Variants in ACIN1 observed in about 807,000 individuals in gnomAD.
The protein encoded by ACIN1 is apoptotic chromatin condensation inducer 1, also known as apoptotic chromatin condensation inducer in the nucleus.
ACIN1 carries 16 observed loss-of-function variants against 146.6 expected under a neutral mutation model. That is an observed-to-expected ratio of 0.11 (90% CI 0.07 to 0.17). The LOEUF is 0.17. Ranked by LOEUF, ACIN1 falls within the 10% of genes least tolerant of loss-of-function variation. The pLI, the probability that ACIN1 is intolerant of heterozygous loss-of-function variation, is 1.00. For synonymous variants in ACIN1, 569 were observed against 582.7 expected, an observed-to-expected ratio of 0.98 and a Z score of 0.34; for missense variants, 1,357 against 1,609.3, an observed-to-expected ratio of 0.84 and a Z score of 2.68.
At chr14:23,074,831 C>G (rs1302622897) in intron 8 of ACIN1, among the ~76,000 whole-genome samples, 1 of 152,024 alleles carries the variant, frequency 6.6e-6, no homozygotes, top group Non-Finnish European at 1.5e-5. Flanking sequence ...TTCAGAGAAG[C>G]TAATGGAAAA....
At chr14:23,071,209 A>G in intron 8 of ACIN1, 2 of 1,519,880 alleles carry the variant, frequency 1.3e-6, no homozygotes, top group South Asian at 1.3e-5. Context: ...AAATAACAAA[A>G]ACCAAACAAA....
chr14:23,091,791 T>C (rs1272479423), intron 2 of ACIN1, among the ~76,000 whole-genome samples: 1 of 152,104 alleles, frequency 6.6e-6, no homozygotes, highest in East Asian at 1.9e-4. Context: ...AACCAGCTCA[T>C]TTTTGCATTT....
intron 8 of ACIN1, among the ~76,000 whole-genome samples, chr14:23,074,895 G>A (rs750071368): frequency 1.3e-5 from 2 of 152,118 alleles, no homozygotes; most frequent in East Asian, 1.9e-4. Flanking sequence ...GAAAATTCAC[G>A]AGGAGCTGAA....
Position 23,093,553 on chromosome 14 carries a change from G to A in ACIN1, c.139-9C>T. On this transcript the variant is annotated splice_polypyrimidine_tract_variant and intron_variant, in intron 1 of 18. Coordinates refer to ENST00000605057, the MANE Select transcript of ACIN1 (RefSeq NM_001386863.1). ...TTTTCTAGCATTAGAGCCTGGTATA[G>A]AGAAGGGTAAAAGTCAGAAATGATG... The A allele has an allele frequency of 6.2e-7, 1 of 1,613,094 alleles. No homozygotes were observed. The highest frequency in any genetic ancestry group is 8.5e-7 in the Non-Finnish European group (1 of 1,179,180).
At chr14:23,072,227 G>T (rs1367861050) in intron 8 of ACIN1, among the ~76,000 whole-genome samples, 1 of 152,180 alleles carries the variant, frequency 6.6e-6, no homozygotes, top group Non-Finnish European at 1.5e-5. Flanking sequence ...CCAGTAGAAG[G>T]GGGGCAGGGT....
intron 15 of ACIN1, 33 bp downstream of exon 15, chr14:23,062,383 C>A: frequency 6.2e-7 from 1 of 1,610,274 alleles, no homozygotes; most frequent in Non-Finnish European, 8.5e-7. Context: ...GAAATATATG[C>A]CATGACCTAT....
At position 23,059,240 on chromosome 14, in the gene ACIN1, G is replaced by A. The variant is rs756480020; in HGVS notation, c.3760C>T (p.Arg1254Ter). ...TCCCTGCGATCCCTTTCCCTGCCTC[G>A]TTCTCGGTCCCTTTCCCTATCCCGA... ...RDRDRERDRERGRERDRRDTK... is the reference protein window; with the variant it reads ...RDRDRERDRE Residue 1254 changes from arginine to a stop codon, truncating the protein, a stop_gained, in exon 19 of 19, where the codon CGA becomes TGA. Transcript: ENST00000605057. LOFTEE classifies it high-confidence loss of function. The A allele has an allele frequency of 2.5e-6, 4 of 1,613,332 alleles. No individual in the cohort carries two copies. Among genetic ancestry groups the A allele is most frequent in the African/African-American group, 2.7e-5 (2 of 74,724 alleles).
In ACIN1 at chr14:23,090,019, C is replaced by T; in HGVS notation, c.399G>A (p.Leu133=). ...TGCTGAGCTCCAGCTCTGGTCTCTC[C>T]AGGCTGCTCTGAAAGTCAGGAGGCA... ...SLLPPDFQSS[L]ERPELELSRH... Residue 133 remains leucine (L), a synonymous_variant, in exon 4 of 19, where the codon CTG becomes CTA. Transcript: ENST00000605057. 6.2e-7 allele frequency: 1 copy of T among 1,613,452 alleles called. No individual in the cohort carries two copies. Among genetic ancestry groups the T allele is most frequent in the Non-Finnish European group, 8.5e-7 (1 of 1,179,804 alleles).
chr14:23,074,491 G>C (rs2140113681), intron 8 of ACIN1, among the ~76,000 whole-genome samples: 1 of 152,216 alleles, frequency 6.6e-6, no homozygotes, highest in African/African-American at 2.4e-5. Flanking sequence ...CTTGAACCCA[G>C]GAGGCGGAGG....
chr14:23,084,611 A>G (rs575517687), intron 4 of ACIN1, among the ~76,000 whole-genome samples: 3 of 150,838 alleles, frequency 2.0e-5, no homozygotes, highest in Non-Finnish European at 4.4e-5. Flanking sequence ...CTCCATCTCA[A>G]AAAAGAAAAA....
chr14:23,061,109 T>A lies in ACIN1; in HGVS notation c.3500A>T (p.Tyr1167Phe). 1 of 1,614,038 alleles carries A rather than the reference T, an allele frequency of 6.2e-7. No individual in the cohort carries two copies. The highest frequency in any genetic ancestry group is 8.5e-7 in the Non-Finnish European group (1 of 1,180,022). Residue 1167 changes from tyrosine to phenylalanine, a missense_variant, in exon 18 of 19, where the codon TAT (tyrosine) becomes TTT (phenylalanine). Physicochemically the swap from Tyr to Phe is conservative, Grantham distance 22. Around this residue, in one of 4 missense-constraint regions of ACIN1, gnomAD observed 509 missense variants for 719.6 expected, o/e 0.71. Coordinates refer to ENST00000605057, the MANE Select transcript of ACIN1 (RefSeq NM_001386863.1). ...CTGGCTGTCAGTCAGTGGGAGCCAA[T>A]AGATGCAGGGAGCTGCCTTGGTCTT... ...FRKTKAAPCI[Y>F]WLPLTDSQIV...
intron 4 of ACIN1, among the ~76,000 whole-genome samples, chr14:23,085,284 G>C (rs1000949332): frequency 1.3e-5 from 2 of 152,174 alleles, no homozygotes; most frequent in Non-Finnish European, 2.9e-5. Context: ...GCAGTGAGCA[G>C]AGATCGCGCC....
rs2047277266 is a variant in ACIN1 at position 23,061,477 on chromosome 14, C to A, written c.3245G>T (p.Arg1082Leu). The A allele has an allele frequency of 7.3e-7, 1 of 1,367,416 alleles. No homozygotes were observed. Among genetic ancestry groups the A allele is most frequent in the Non-Finnish European group, 9.7e-7 (1 of 1,025,670 alleles). 84.7% of individuals were successfully genotyped at this position (1,367,416 alleles called of 1,614,324 possible). ...HPRAEQREQERAVREQWAERE... is the reference protein window; with the variant it reads ...HPRAEQREQELAVREQWAERE... ...TTCTGCCCACTGTTCCCGCACTGCCCGTTCCTGCTCCCGCTGCTCTGCCCG... is the reference window on the plus strand; with the variant it reads ...TTCTGCCCACTGTTCCCGCACTGCCAGTTCCTGCTCCCGCTGCTCTGCCCG... The change falls in exon 17 of 19, where the codon CGG (arginine) becomes CTG (leucine). Residue 1082 changes from arginine (R) to leucine (L), a missense_variant. This residue lies in a region of ACIN1 where 509 missense variants were observed against 719.6 expected (regional missense o/e 0.71). Transcript: ENST00000605057.
intron 4 of ACIN1, among the ~76,000 whole-genome samples, chr14:23,082,676 C>G: frequency 6.6e-6 from 1 of 151,798 alleles, no homozygotes; most frequent in East Asian, 1.9e-4. Context: ...AACTCCTGAC[C>G]TCAAGTGATC....
At position 23,067,999 on chromosome 14, in the gene ACIN1, G is replaced by C; in HGVS notation, c.2265+1477C>G. On this transcript the variant is annotated intron_variant, in intron 9 of 18. Transcript: ENST00000605057. This position sits in a 1 kb window ranked among gnomAD's most constrained non-coding sequence, Gnocchi z 4.6. The stretch of plus-strand genomic sequence containing the variant: ...GTGGTTCCAGTCAGGTGGATGAAAT[G>C]AGTCCCTGCCTCCAGGGATGGAGGA... 2 of 985,904 alleles carry C rather than the reference G, an allele frequency of 2.0e-6. No individual in the cohort carries two copies. The highest frequency in any genetic ancestry group is 2.4e-6 in the Non-Finnish European group (2 of 829,956). The allele number at this position is 985,904 out of a possible 1,614,324, so 61.1% of individuals were successfully genotyped here.
At chr14:23,062,897 G>A in intron 14 of ACIN1, 32 bp downstream of exon 14, 1 of 1,579,858 alleles carries the variant, frequency 6.3e-7, no homozygotes. Flanking sequence ...TAACCACTAA[G>A]CAAGCTGGGA....
chr14:23,094,649 G>C (rs1466528774), intron 1 of ACIN1: 37 of 808,118 alleles, frequency 4.6e-5, no homozygotes, highest in Non-Finnish European at 5.9e-5. Flanking sequence ...GTTGTAGTGG[G>C]ATTTAACTCC....
In ACIN1 at chr14:23,067,187, TAAATA is replaced by T. The variant is rs1206800730; in HGVS notation, c.2266-1184_2266-1180del. On this transcript the variant is annotated intron_variant, in intron 9 of 18. Transcript: ENST00000605057. The surrounding 1 kb of genome is among the most constrained non-coding windows in gnomAD (Gnocchi z 4.6). ...ACAGGAAAAACATGAACCAAATAAA[TAAATA>T]AAAGAAATCAGAAAAAATAAAGATA... is the stretch of plus-strand genomic sequence containing the variant. 22 of 669,832 alleles carry T rather than the reference TAAATA, an allele frequency of 3.3e-5. No individual in the cohort carries two copies. In the South Asian group the frequency reaches 1.2e-3, roughly 37 times the overall value. The allele number at this position is 669,832 out of a possible 1,614,324, so 41.5% of individuals were successfully genotyped here. A position where few individuals can be genotyped will look rare whatever the true frequency, so the allele number is the denominator to read the frequency against.
At position 23,068,860 on chromosome 14, in the gene ACIN1, A is replaced by G; in HGVS notation, c.2265+616T>C. 4.1e-6 allele frequency: 4 copies of G among 985,442 alleles called. No homozygotes were observed. The highest frequency in any genetic ancestry group is 4.7e-5 in the South Asian group (1 of 21,290). The allele number at this position is 985,442 out of a possible 1,614,324, so 61.0% of individuals were successfully genotyped here. ...TTCTCAATTACTTTAAGAGCCAAGA[A>G]GACTTCGCTGGCTCTGATGGGGGAA... is the stretch of plus-strand genomic sequence containing the variant. On this transcript the variant is annotated intron_variant, in intron 9 of 18. Transcript: ENST00000605057. The surrounding 1 kb of genome is among the most constrained non-coding windows in gnomAD (Gnocchi z 4.3).
Sources: gnomAD v4.1 joint callset for allele counts (sites outside exome capture counted in the v4.1 genomes callset) on GRCh38, gnomAD v4.1.1 for gene constraint, gnomAD v4.1.1 regional missense constraint, Gnocchi (gnomAD v3.1) non-coding constraint, MANE v1.5 for transcripts, NCBI Gene and HGNC (gene_info 2026-07-23, HGNC 2026-07-21) for gene names.